The following SEC31B variants were observed in gnomAD, a reference collection of about 807,000 sequenced individuals.
The protein encoded by SEC31B is protein transport protein Sec31B.
In SEC31B, 113 loss-of-function variants were observed where a neutral mutation model predicts 135.0. The observed-to-expected ratio is 0.84, with a 90% confidence interval of 0.72 to 0.98. The LOEUF (loss-of-function observed/expected upper bound fraction) is 0.98. Ranked by LOEUF, SEC31B falls within the 50% of genes least tolerant of loss-of-function variation. The pLI is 0.00. For synonymous variants in SEC31B, 508 were observed against 549.4 expected (o/e 0.92, Z 1.05); for missense variants, 1,296 against 1,421.1 (o/e 0.91, Z 1.42).
Position 100,507,554 on chromosome 10 carries a change from C to A in SEC31B, c.653G>T (p.Gly218Val). 1.9e-6 allele frequency: 3 copies of A among 1,614,208 alleles called. No homozygotes were observed. The highest frequency in any genetic ancestry group is 2.5e-6 in the Non-Finnish European group (3 of 1,180,026). Residue 218 changes from glycine to valine, a missense_variant, in exon 7 of 26, where the codon GGC (glycine) becomes GTC (valine). Physicochemically the swap from Gly to Val is moderately radical, Grantham distance 109 (BLOSUM62 -3). Coordinates refer to ENST00000370345, the MANE Select transcript of SEC31B (RefSeq NM_015490.4). The stretch of plus-strand genomic sequence containing the variant: ...GGCTATGTCAGGATGCCAGGCCAGG[C>A]CTGAGCAGTGCATCTGTGAACAAAG... ...SDHSNRMHCSGLAWHPDIATQ... is the reference protein window; with the variant it reads ...SDHSNRMHCSVLAWHPDIATQ...
In SEC31B at chr10:100,496,176, T is replaced by C. The variant is rs1391846360; in HGVS notation, c.2310+82A>G. 3.4e-6 allele frequency: 5 copies of C among 1,453,260 alleles called. No homozygotes were observed. In the African/African-American group the frequency reaches 4.2e-5, roughly 12 times the overall value. The allele number at this position is 1,453,260 out of a possible 1,614,324, so 90.0% of individuals were successfully genotyped here. A position where few individuals can be genotyped will look rare whatever the true frequency, so the allele number is the denominator to read the frequency against. ...TATCCTAGGAGCTTCAGCATTAGCA[T>C]AGTGCCTGGAATATGGAAGTGCTCA... On this transcript the variant is annotated intron_variant, in intron 18 of 25. Coordinates refer to ENST00000370345, the MANE Select transcript of SEC31B (RefSeq NM_015490.4).
In SEC31B at chr10:100,495,489, C is replaced by T. The variant is rs1489204069; in HGVS notation, c.2368G>A (p.Gly790Ser). Residue 790 changes from glycine to serine, a missense_variant, in exon 19 of 26, where the codon GGC becomes AGC. Gly to Ser is a moderately conservative substitution (Grantham distance 56, BLOSUM62 0). Transcript: ENST00000370345. The stretch of plus-strand genomic sequence containing the variant: ...AAGGGGAAAGGGGGAGACTGTTGGC[C>T]CAAGACAGCAGAACCTTGAGCATGA... The part of the protein sequence containing the change: ...LFHAQGSAVL[G>S]QQSPPFPFPR... 4 of 1,613,782 alleles carry T rather than the reference C, an allele frequency of 2.5e-6. No individual in the cohort carries two copies.
intron 16 of SEC31B, 118 bp from the exon 17 acceptor site, chr10:100,497,398 C>T: frequency 6.6e-7 from 1 of 1,523,936 alleles, no homozygotes; most frequent in Non-Finnish European, 8.8e-7. Context: ...TTTAAGACAA[C>T]ACTGAGACTC....
At chr10:100,496,681 T>C (rs1412410757) in intron 17 of SEC31B, among the ~76,000 whole-genome samples, 5 of 152,218 alleles carry the variant, frequency 3.3e-5, no homozygotes, top group African/African-American at 4.8e-5. Context: ...CATCTCTACC[T>C]CTTCCTTTTG....
rs1373072692 is a variant in SEC31B at position 100,508,067 on chromosome 10, G to A, written c.496-16C>T. 3.1e-6 allele frequency: 5 copies of A among 1,613,834 alleles called. No individual in the cohort carries two copies. The highest frequency in any genetic ancestry group is 4.2e-6 in the Non-Finnish European group (5 of 1,179,786). On this transcript the variant is annotated splice_polypyrimidine_tract_variant and intron_variant, in intron 5 of 25. Coordinates refer to ENST00000370345, the MANE Select transcript of SEC31B (RefSeq NM_015490.4). ...CTGGAGGCTGCTAAGGCAGGATGGG[G>A]ACAGAAAGATGACAACTTGTCACCC... is the stretch of plus-strand genomic sequence containing the variant.
intron 11 of SEC31B, among the ~76,000 whole-genome samples, chr10:100,500,328 T>C (rs891870660): frequency 2.5e-4 from 38 of 152,040 alleles, no homozygotes; most frequent in Admixed American, 2.4e-3. Context: ...TTTCTTTTTT[T>C]TTTTTAGACA....
intron 3 of SEC31B, among the ~76,000 whole-genome samples, chr10:100,514,290 A>G (rs1402375906): frequency 6.6e-6 from 1 of 152,170 alleles, no homozygotes; most frequent in Non-Finnish European, 1.5e-5. Context: ...CCTTAGCCCT[A>G]AGGAGCCACT....
rs1276887601 is a variant in SEC31B at position 100,487,566 on chromosome 10, G to A, written c.*50C>T. 6.6e-7 allele frequency: 1 copy of A among 1,506,326 alleles called. No homozygotes were observed. The highest frequency in any genetic ancestry group is 9.1e-7 in the Non-Finnish European group (1 of 1,096,016). The allele number at this position is 1,506,326 out of a possible 1,614,324, so 93.3% of individuals were successfully genotyped here. On this transcript the variant is annotated 3_prime_UTR_variant, in exon 26 of 26. Coordinates refer to ENST00000370345, the MANE Select transcript of SEC31B (RefSeq NM_015490.4). ...GCAGAAGTCCCCTCTTCTGCAGGGA[G>A]GAGTTATGTAACAGCAGAAGTGGCC...
At position 100,488,895 on chromosome 10, in the gene SEC31B, G is replaced by T. The variant is rs143623624; in HGVS notation, c.3251C>A (p.Ala1084Glu). The change falls in exon 24 of 26, where the codon GCG becomes GAG. Residue 1084 changes from alanine (A) to glutamate (E), a missense_variant. Coordinates refer to ENST00000370345, the MANE Select transcript of SEC31B (RefSeq NM_015490.4). ...AGACAGGGAGCAGCGTTGGAGAAGC[G>T]CCTCAAAGCTGCTCTTCAAGGACTG... ...EHQSLKSSFE[A>E]LLQRCSLSAT... 1 of 1,608,632 alleles carries T rather than the reference G, an allele frequency of 6.2e-7. No homozygotes were observed. Among genetic ancestry groups the T allele is most frequent in the East Asian group, 2.2e-5 (1 of 44,688 alleles).
chr10:100,492,141 T>A (rs1277347108), intron 19 of SEC31B, among the ~76,000 whole-genome samples: 4 of 152,260 alleles, frequency 2.6e-5, no homozygotes, highest in Non-Finnish European at 5.9e-5. Flanking sequence ...GTGAAAAACC[T>A]AAAGCTAACA....
chr10:100,516,631 A>G (rs1047001072), intron 2 of SEC31B, among the ~76,000 whole-genome samples: 1 of 142,282 alleles, frequency 7.0e-6, no homozygotes, highest in African/African-American at 2.7e-5. Context: ...CCTGAGCGAC[A>G]GAGTGAGACT....
intron 19 of SEC31B, 162 bp downstream of exon 19, chr10:100,495,223 A>G (rs1364459879): frequency 1.4e-6 from 1 of 720,368 alleles, no homozygotes. Context: ...CTAAGAGCCT[A>G]GTAGTTCAAT....
intron 5 of SEC31B, chr10:100,508,566 C>G: frequency 2.2e-6 from 1 of 461,402 alleles, no homozygotes; most frequent in South Asian, 1.6e-5. Flanking sequence ...GACCAGACCC[C>G]CAACTGCATG....
In SEC31B at chr10:100,490,171, A is replaced by G; in HGVS notation, c.2802T>C (p.Pro934=). Residue 934 remains proline (P), a synonymous_variant, in exon 21 of 26, where the codon CCT becomes CCC. Coordinates refer to ENST00000370345, the MANE Select transcript of SEC31B (RefSeq NM_015490.4). ...TCAGAGGAAGCAGAGGGAACAGTCT[A>G]GGAGTCTCAGGCAGGGAGGTAGAGC... The part of the protein sequence containing the change: ...RPGSTSLPET[P]RLFPLLPLRP... 1 of 1,606,750 alleles carries G rather than the reference A, an allele frequency of 6.2e-7. No homozygotes were observed. The highest frequency in any genetic ancestry group is 8.5e-7 in the Non-Finnish European group (1 of 1,176,584).
At chr10:100,489,010 G>A (rs770565983) in intron 23 of SEC31B, 36 bp from the exon 24 acceptor site, 2 of 1,570,462 alleles carry the variant, frequency 1.3e-6, no homozygotes, top group Non-Finnish European at 1.7e-6. Context: ...GGCCAGAGGG[G>A]CAAGCTGTCC....
At position 100,495,421 on chromosome 10, in the gene SEC31B, T is replaced by C. The variant is rs1851388342; in HGVS notation, c.2436A>G (p.Thr812=). The C allele has an allele frequency of 1.2e-6, 2 of 1,614,024 alleles. No individual in the cohort carries two copies. The highest frequency in any genetic ancestry group is 1.1e-5 in the South Asian group (1 of 91,008). Residue 812 remains threonine, a synonymous_variant, in exon 19 of 26, where the codon ACA becomes ACG. Transcript: ENST00000370345. ...VVGATLHSKE[T]SSYRLGSQPS... ...GCTGGGATCCCAATCTGTAAGATGA[T>C]GTCTCTTTAGAGTGGAGGGTAGCTC...
chr10:100,490,004 T>C lies in SEC31B; in HGVS notation c.2965+4A>G, dbSNP rs1292904773. ...GAAGAGGGATCCATGGAAGGAAGAC[T>C]GACCTGGGTGAGGAGTCAAGATGCC... On this transcript the variant is annotated splice_donor_region_variant and intron_variant, in intron 21 of 25. Transcript: ENST00000370345. The C allele has an allele frequency of 3.3e-6, 5 of 1,537,614 alleles. No homozygotes were observed. The South Asian group carries it at 5.2e-5, about 16-fold the overall frequency.
Position 100,505,426 on chromosome 10 carries a change from G to A in SEC31B, c.1114C>T (p.Pro372Ser), listed in dbSNP as rs2295772. 345,435 of 1,604,228 alleles carry A rather than the reference G, an allele frequency of 0.22. 38,038 individuals carry two copies. Among genetic ancestry groups the A allele is most frequent in the South Asian group, 0.23 (20,315 of 89,022 alleles). ...GGTTTTTTCAGGGGAGGTATCAGTG[G>A]TGCTTGTGCCACTTGCTCTGGCACC... The part of the protein sequence containing the change: ...LQVPEQVAQA[P>S]LIPPLKKPPK... The change falls in exon 10 of 26, where the codon CCA becomes TCA. Residue 372 changes from proline (P) to serine (S), a missense_variant. By Grantham distance (74) the Pro-to-Ser change is moderately conservative. Coordinates refer to ENST00000370345, the MANE Select transcript of SEC31B (RefSeq NM_015490.4).
Position 100,487,196 on chromosome 10 carries a change from CAG to C in SEC31B, c.*418_*419del. 1 of 196,712 alleles carries C rather than the reference CAG, an allele frequency of 5.1e-6. No homozygotes were observed. Among genetic ancestry groups the C allele is most frequent in the Non-Finnish European group, 1.0e-5 (1 of 96,308 alleles). The allele number at this position is 196,712 out of a possible 1,614,324, so 12.2% of individuals were successfully genotyped here. On this transcript the variant is annotated 3_prime_UTR_variant, in exon 26 of 26. Transcript: ENST00000370345. ...GTCAGAGGCAGGGAAAAGGTAAGGG[CAG>C]GCTCATAAACCACAGAAGGGAGAAA... is the stretch of plus-strand genomic sequence containing the variant.
Sources: allele counts gnomAD v4.1 joint callset (sites outside exome capture counted in the v4.1 genomes callset), GRCh38; gene constraint gnomAD v4.1.1; transcripts MANE v1.5; gene names NCBI Gene and HGNC (gene_info 2026-07-23, HGNC 2026-07-21).